EPHA6: variants seen among roughly 807,000 people sequenced by gnomAD.
EPHA6 encodes the protein ephrin type-A receptor 6.
A neutral mutation model predicts 112.0 loss-of-function variants in EPHA6; 50 were observed. The ratio of observed to expected loss-of-function variants is 0.45; its 90% CI spans 0.36 to 0.56. The LOEUF is 0.56. Among genes scored for constraint, EPHA6 ranks in the 20% least tolerant of loss-of-function variants. The pLI, the probability that EPHA6 is intolerant of heterozygous loss-of-function variation, is 0.00. For synonymous variants in EPHA6, 529 were observed against 490.7 expected (o/e 1.08, Z -1.03); for missense variants, 1,280 against 1,417.4 (o/e 0.90, Z 1.56).
intron 10 of EPHA6, among the ~76,000 whole-genome samples, chr3:97,511,051 G>C (rs914970633): frequency 3.3e-5 from 5 of 152,106 alleles, no homozygotes; most frequent in African/African-American, 7.2e-5. Flanking sequence ...CACCAAGCTG[G>C]AGCATCAGAC....
chr3:97,200,136 C>A (rs1479932672), intron 3 of EPHA6, among the ~76,000 whole-genome samples: 1 of 152,006 alleles, frequency 6.6e-6, no homozygotes, highest in East Asian at 1.9e-4. Context: ...CTTCCCAGGA[C>A]CAGATTGTGA....
chr3:96,836,815 A>G (rs1053727959), intron 1 of EPHA6, among the ~76,000 whole-genome samples: 2 of 150,094 alleles, frequency 1.3e-5, no homozygotes, highest in Non-Finnish European at 2.9e-5. Flanking sequence ...CAACACACAT[A>G]GTCTTGTCTT....
intron 11 of EPHA6, among the ~76,000 whole-genome samples, chr3:97,572,464 T>A (rs1222701293): frequency 6.6e-6 from 1 of 152,088 alleles, no homozygotes; most frequent in Non-Finnish European, 1.5e-5. Flanking sequence ...ACTGATCTCT[T>A]AGTTACTCCT....
intron 10 of EPHA6, among the ~76,000 whole-genome samples, chr3:97,498,011 A>AAAAC (rs527698175): frequency 1.4e-3 from 210 of 152,150 alleles, no homozygotes; most frequent in South Asian, 7.9e-3. Flanking sequence ...GACTGAGGTT[A>AAAAC]AAACAAACAA....
chr3:97,179,755 CT>C (rs2076937186), intron 3 of EPHA6, among the ~76,000 whole-genome samples: 2 of 149,886 alleles, frequency 1.3e-5, no homozygotes, highest in African/African-American at 4.9e-5. Context: ...CTCTCTCTCT[CT>C]CTCTCCTGAA....
chr3:97,160,199 A>G (rs1044066280), intron 3 of EPHA6, among the ~76,000 whole-genome samples: 1 of 152,156 alleles, frequency 6.6e-6, no homozygotes, highest in African/African-American at 2.4e-5. Context: ...AGAACAGGTC[A>G]TCCTATCCAC....
intron 4 of EPHA6, among the ~76,000 whole-genome samples, chr3:97,241,445 T>C (rs1473391677): frequency 6.6e-6 from 1 of 151,836 alleles, no homozygotes; most frequent in Non-Finnish European, 1.5e-5. Flanking sequence ...AAAAGTATTA[T>C]TGCTGCCATG....
chr3:96,973,509 A>T (rs1181278689), intron 2 of EPHA6, among the ~76,000 whole-genome samples: 1 of 152,062 alleles, frequency 6.6e-6, no homozygotes, highest in Non-Finnish European at 1.5e-5. Flanking sequence ...TAAATCTGTC[A>T]TTAAATCTGT....
At chr3:97,581,501 T>C (rs2093437364) in intron 11 of EPHA6, among the ~76,000 whole-genome samples, 1 of 152,154 alleles carries the variant, frequency 6.6e-6, no homozygotes, top group Admixed American at 6.5e-5. Flanking sequence ...GTAAGATACA[T>C]GAAAAGAAAT....
chr3:97,633,824 T>C (rs1382649290), intron 13 of EPHA6, among the ~76,000 whole-genome samples: 1 of 152,074 alleles, frequency 6.6e-6, no homozygotes, highest in Non-Finnish European at 1.5e-5. Flanking sequence ...ATAGATTTTG[T>C]TTGAATAAGA....
chr3:97,745,093 G>A (rs2035655566), intron 16 of EPHA6, among the ~76,000 whole-genome samples: 1 of 152,012 alleles, frequency 6.6e-6, no homozygotes, highest in Non-Finnish European at 1.5e-5. Context: ...TAATGTAGAA[G>A]CTATTCTGAA....
intron 10 of EPHA6, among the ~76,000 whole-genome samples, chr3:97,523,282 G>T (rs1337482793): frequency 6.6e-6 from 1 of 151,916 alleles, no homozygotes; most frequent in African/African-American, 2.4e-5. Context: ...TTCCTTCCTT[G>T]ATCCATTAGT....
chr3:97,431,802 C>G (rs2089525903), intron 6 of EPHA6, among the ~76,000 whole-genome samples: 1 of 152,038 alleles, frequency 6.6e-6, no homozygotes, highest in Non-Finnish European at 1.5e-5. Flanking sequence ...GGACTTAGTT[C>G]AATTGTTGGT....
intron 6 of EPHA6, among the ~76,000 whole-genome samples, chr3:97,448,333 G>T (rs1286164517): frequency 1.3e-5 from 2 of 152,066 alleles, no homozygotes; most frequent in African/African-American, 4.8e-5. Flanking sequence ...AAATACAAGT[G>T]CAGTTTATAT....
chr3:97,706,225 G>A (rs1176723305), intron 14 of EPHA6, among the ~76,000 whole-genome samples: 1 of 152,028 alleles, frequency 6.6e-6, no homozygotes, highest in Non-Finnish European at 1.5e-5. Context: ...TCAAAAGAGA[G>A]ATTTAGGATC....
intron 14 of EPHA6, among the ~76,000 whole-genome samples, chr3:97,684,736 A>G (rs908667344): frequency 2.4e-4 from 36 of 152,144 alleles, no homozygotes; most frequent in African/African-American, 8.4e-4. Flanking sequence ...AAAGAATGTT[A>G]ATAGTGAAAG....
At chr3:97,067,024 T>C (rs1195565521) in intron 3 of EPHA6, among the ~76,000 whole-genome samples, 3 of 152,164 alleles carry the variant, frequency 2.0e-5, no homozygotes, top group Non-Finnish European at 4.4e-5. Flanking sequence ...CAGAATGGTA[T>C]TTAATGTAAT....
chr3:96,947,293 C>G (rs769898233), intron 2 of EPHA6, among the ~76,000 whole-genome samples: 1 of 152,056 alleles, frequency 6.6e-6, no homozygotes, highest in East Asian at 1.9e-4. Flanking sequence ...AGGTTTTCTT[C>G]TAGGGTTTTT....
At chr3:97,247,174 T>C (rs2079009687) in intron 5 of EPHA6, among the ~76,000 whole-genome samples, 1 of 152,022 alleles carries the variant, frequency 6.6e-6, no homozygotes, top group Non-Finnish European at 1.5e-5. Context: ...TGATAACACG[T>C]TACGATTTCA....
Sources: gnomAD v4.1 joint callset for allele counts (sites outside exome capture counted in the v4.1 genomes callset) on GRCh38, gnomAD v4.1.1 for gene constraint, MANE v1.5 for transcripts, NCBI Gene and HGNC (gene_info 2026-07-23, HGNC 2026-07-21) for gene names.